Variants in ABCA12 observed in about 807,000 individuals in gnomAD.
The protein encoded by ABCA12 is glucosylceramide transporter ABCA12.
In ABCA12, 156 loss-of-function variants were observed where a neutral mutation model predicts 293.5. The ratio of observed to expected loss-of-function variants is 0.53; its 90% CI spans 0.47 to 0.61. The LOEUF (loss-of-function observed/expected upper bound fraction) is 0.61. Ranked by LOEUF, ABCA12 falls within the 20% of genes least tolerant of loss-of-function variation. The pLI is 0.00. For missense variants in ABCA12, 2,797 were observed against 3,090.2 expected (o/e 0.91, Z 2.25); for synonymous variants, 1,063 against 1,108.0 (o/e 0.96, Z 0.81).
intron 2 of ABCA12, among the ~76,000 whole-genome samples, chr2:215,082,043 C>CTTTTTTTTTTTTTTTTTTTTTTTT (rs549072917): frequency 8.8e-6 from 1 of 113,160 alleles, no homozygotes; most frequent in Non-Finnish European, 1.7e-5. Context: ...ATTGTTAATT[C>CTTTTTTTTTTTTTTTTTTTTTTTT]TTTTTTTTTT....
At chr2:215,009,223 A>G (rs1346811861) in intron 18 of ABCA12, among the ~76,000 whole-genome samples, 1 of 152,158 alleles carries the variant, frequency 6.6e-6, no homozygotes, top group Non-Finnish European at 1.5e-5. Context: ...CCAACACAGG[A>G]ATAGAAAACC....
intron 2 of ABCA12, among the ~76,000 whole-genome samples, chr2:215,097,911 T>C (rs1575042518): frequency 1.3e-5 from 2 of 152,198 alleles, no homozygotes; most frequent in Non-Finnish European, 2.9e-5. Context: ...AGTTCTTGGG[T>C]ATATCTCTGA....
intron 2 of ABCA12, among the ~76,000 whole-genome samples, chr2:215,099,750 G>T (rs1158758345): frequency 6.6e-6 from 1 of 151,486 alleles, no homozygotes; most frequent in African/African-American, 2.4e-5. Flanking sequence ...AATGTTTATT[G>T]TTGTTGCCAC....
In ABCA12 at chr2:214,980,638, T is replaced by C. The variant is rs1201529935; in HGVS notation, c.4585A>G (p.Thr1529Ala). 1.2e-6 allele frequency: 2 copies of C among 1,614,080 alleles called. No individual in the cohort carries two copies. The highest frequency in any genetic ancestry group is 2.2e-5 in the East Asian group (1 of 44,880). Reference sequence around the variant, plus strand: ...AAGTGGTGCGTTGACAGAATGATTGTTCTGGCTTGAAAATACAGACAAGAA... The same window carrying C: ...AAGTGGTGCGTTGACAGAATGATTGCTCTGGCTTGAAAATACAGACAAGAA... ...DVISKNKTAR[T>A]IILSTHHLDE... Residue 1529 changes from threonine (T) to alanine (A), a missense_variant, in exon 31 of 53, where the codon ACA becomes GCA. Coordinates refer to ENST00000272895, the MANE Select transcript of ABCA12 (RefSeq NM_173076.3).
chr2:215,107,097 A>C (rs765636282), intron 2 of ABCA12, among the ~76,000 whole-genome samples: 14 of 152,066 alleles, frequency 9.2e-5, no homozygotes, highest in Non-Finnish European at 1.8e-4. Context: ...AACTTCACAA[A>C]AGTGTGACTC....
intron 30 of ABCA12, among the ~76,000 whole-genome samples, chr2:214,981,394 G>A (rs193075852): frequency 5.3e-5 from 8 of 151,938 alleles, no homozygotes; most frequent in Non-Finnish European, 8.8e-5. Flanking sequence ...TGATTACTCC[G>A]TTGCTTCACA....
intron 50 of ABCA12, among the ~76,000 whole-genome samples, 170 bp from the exon 51 acceptor site, chr2:214,937,785 G>A (rs762798079): frequency 6.6e-6 from 1 of 152,100 alleles, no homozygotes; most frequent in African/African-American, 2.4e-5. Flanking sequence ...ACTGGAAATA[G>A]TGCACTGCTA....
chr2:215,072,689 A>G (rs1281038180), intron 2 of ABCA12, among the ~76,000 whole-genome samples: 1 of 152,378 alleles, frequency 6.6e-6, no homozygotes, highest in East Asian at 1.9e-4. Flanking sequence ...GCTGGGAGAT[A>G]TAACAGTAAC....
At chr2:215,030,538 A>C (rs1331742640) in intron 9 of ABCA12, among the ~76,000 whole-genome samples, 1 of 150,598 alleles carries the variant, frequency 6.6e-6, no homozygotes, top group Non-Finnish European at 1.5e-5. Context: ...CGGGAGGCGG[A>C]GCTTGCAGTG....
At chr2:215,134,522 ATATACGTATATATGTACATATATACG>A (rs1309276972) in intron 1 of ABCA12, among the ~76,000 whole-genome samples, 4 of 144,504 alleles carry the variant, frequency 2.8e-5, no homozygotes, top group Non-Finnish European at 6.1e-5. Context: ...ATATGTGTAT[ATATACGTATATATGTACATATATACG>A]TATATGTATA....
In ABCA12 at chr2:214,931,582, A is replaced by C. The variant is rs530456613; in HGVS notation, c.*1052T>G. ...TTTGAGTTTATTGGTTTTCGAGACA[A>C]ACAGTCATGCCAAAGCTGACAAACT... On this transcript the variant is annotated 3_prime_UTR_variant, in exon 53 of 53. Coordinates refer to ENST00000272895, the MANE Select transcript of ABCA12 (RefSeq NM_173076.3). 27 of 152,634 alleles carry C rather than the reference A, an allele frequency of 1.8e-4. No individual in the cohort carries two copies. The highest frequency in any genetic ancestry group is 5.8e-4 in the African/African-American group (24 of 41,550). 9.5% of individuals were successfully genotyped at this position (152,634 alleles called of 1,614,324 possible).
Position 215,026,907 on chromosome 2 carries a change from G to C in ABCA12, c.1093C>G (p.Leu365Val). 1 of 1,611,874 alleles carries C rather than the reference G, an allele frequency of 6.2e-7. No homozygotes were observed. Among genetic ancestry groups the C allele is most frequent in the Non-Finnish European group, 8.5e-7 (1 of 1,178,066 alleles). ...LLILENFEDA[L>V]LNISANSPYI... ...GGACTATTTGCTGATATATTTAAGA[G>C]GGCATCTTCAAAGTTTTCCAGAATT... Residue 365 changes from leucine (L) to valine (V), a missense_variant, in exon 10 of 53, where the codon CTC becomes GTC. Leu to Val is a conservative substitution (Grantham distance 32). This residue lies in a region of ABCA12 where 656 missense variants were observed against 638.2 expected (regional missense o/e 1.03). Coordinates refer to ENST00000272895, the MANE Select transcript of ABCA12 (RefSeq NM_173076.3).
At chr2:215,120,234 A>T (rs977132285) in intron 1 of ABCA12, among the ~76,000 whole-genome samples, 1 of 152,140 alleles carries the variant, frequency 6.6e-6, no homozygotes, top group African/African-American at 2.4e-5. Context: ...GCGCTTATGG[A>T]CACACACATG....
intron 1 of ABCA12, among the ~76,000 whole-genome samples, chr2:215,123,175 C>A (rs535366601): frequency 2.4e-4 from 36 of 151,190 alleles, no homozygotes; most frequent in African/African-American, 7.8e-4. Flanking sequence ...TCTTTTTTTT[C>A]TTTTTGTCTC....
intron 45 of ABCA12, among the ~76,000 whole-genome samples, chr2:214,950,382 ATCTGTGTGTG>A (rs1208100385): frequency 0.046 from 5,678 of 122,778 alleles, 194 homozygotes; most frequent in African/African-American, 0.1. Flanking sequence ...GTATATATAT[ATCTGTGTGTG>A]TGTGTGTGTG....
intron 50 of ABCA12, 114 bp downstream of exon 50, chr2:214,942,811 G>T: frequency 1.2e-6 from 1 of 845,008 alleles, no homozygotes; most frequent in Non-Finnish European, 1.9e-6. Flanking sequence ...CCAAAGATTA[G>T]CTTGTCCATT....
rs774329868 is a variant in ABCA12, at chr2:214,934,192, C to T, written c.7566G>A (p.Glu2522=). The change falls in exon 52 of 53, where the codon GAG becomes GAA. Residue 2522 remains glutamate (E), a synonymous_variant. Transcript: ENST00000272895. The part of the protein sequence containing the change: ...YLKDQHLSML[E]YHVPVTAGGV... ...CTCCTGCTGTGACTGGTACATGATA[C>T]TCTAGCATGCTGAGGTGCTGATCCT... The T allele has an allele frequency of 2.0e-5, 32 of 1,613,574 alleles. No homozygotes were observed. The African/African-American group carries it at 3.1e-4, about 15-fold the overall frequency.
At chr2:215,016,845 G>T (rs1244612471) in intron 14 of ABCA12, among the ~76,000 whole-genome samples, 4 of 151,896 alleles carry the variant, frequency 2.6e-5, no homozygotes, top group Non-Finnish European at 5.9e-5. Context: ...TATTGCCACC[G>T]AGTTGAAATA....
At position 214,953,721 on chromosome 2, in the gene ABCA12, G is replaced by A. The variant is rs1698851466; in HGVS notation, c.6647+133C>T. 7 of 1,157,024 alleles carry A rather than the reference G, an allele frequency of 6.0e-6. No homozygotes were observed. In the South Asian group the frequency reaches 1.1e-4, roughly 18 times the overall value. The allele number at this position is 1,157,024 out of a possible 1,614,324, so 71.7% of individuals were successfully genotyped here. On this transcript the variant is annotated intron_variant, in intron 44 of 52. Transcript: ENST00000272895. ...ATAAAATAAATAGTGAATTATGCTA[G>A]AATTTTTTAAAAGTTTTTGAGCCAA...
Sources: gnomAD v4.1 joint callset for allele counts (sites outside exome capture counted in the v4.1 genomes callset) on GRCh38, gnomAD v4.1.1 for gene constraint, gnomAD v4.1.1 regional missense constraint, MANE v1.5 for transcripts, NCBI Gene and HGNC (gene_info 2026-07-23, HGNC 2026-07-21) for gene names.